Variants in PCDHGB1 observed in about 807,000 individuals in gnomAD.
PCDHGB1 encodes the protein protocadherin gamma-B1.
Under a neutral mutation model 56.6 loss-of-function variants are expected in PCDHGB1, and 34 were observed. The observed-to-expected ratio is 0.60, with a 90% CI of 0.46 to 0.80. The LOEUF is 0.80. Among genes scored for constraint, PCDHGB1 ranks in the 30% least tolerant of loss-of-function variants. The pLI, the probability that PCDHGB1 is intolerant of heterozygous loss-of-function variation, is 0.00. For synonymous variants in PCDHGB1, 561 were observed against 505.9 expected, an observed-to-expected ratio of 1.11 and a Z score of -1.46; for missense variants, 1,278 against 1,204.6, an observed-to-expected ratio of 1.06 and a Z score of -0.90.
chr5:141,351,672 G>A lies in PCDHGB1; in HGVS notation c.1412G>A (p.Ser471Asn), dbSNP rs1429208209. Reference sequence around the variant, plus strand: ...CCTGGCGCCTCCATTGCACAAGTAAGCGCCTCCGACCCGGATTTGGGACCC... The same window carrying A: ...CCTGGCGCCTCCATTGCACAAGTAAACGCCTCCGACCCGGATTTGGGACCC... Reference protein sequence around the residue: ...NPPGASIAQVSASDPDLGPNG... With the variant: ...NPPGASIAQVNASDPDLGPNG... Residue 471 changes from serine (S) to asparagine (N), a missense_variant, in exon 1 of 4, where the codon AGC becomes AAC. Transcript: ENST00000523390. 14 of 1,613,984 alleles carry A rather than the reference G, an allele frequency of 8.7e-6. No individual in the cohort carries two copies. Among genetic ancestry groups the A allele is most frequent in the Non-Finnish European group, 1.1e-5 (13 of 1,179,896 alleles).
chr5:141,460,454 T>A (rs1010186960), intron 1 of PCDHGB1, among the ~76,000 whole-genome samples: 6 of 152,194 alleles, frequency 3.9e-5, no homozygotes, highest in Admixed American at 3.3e-4. Flanking sequence ...TGAAGATTCA[T>A]ATTTTTTTCC....
chr5:141,389,146 C>T (rs567517174), intron 1 of PCDHGB1: 17 of 1,613,996 alleles, frequency 1.1e-5, no homozygotes, highest in East Asian at 2.2e-5. Context: ...ATAACCGTTA[C>T]GGCAACAGAT....
At chr5:141,412,792 C>T (rs1387029327) in intron 1 of PCDHGB1, among the ~76,000 whole-genome samples, 1 of 152,194 alleles carries the variant, frequency 6.6e-6, no homozygotes. Flanking sequence ...TCCACTTTAT[C>T]ACACCTCCCC....
At chr5:141,475,103 G>A (rs771784343) in intron 1 of PCDHGB1, among the ~76,000 whole-genome samples, 1 of 152,176 alleles carries the variant, frequency 6.6e-6, no homozygotes, top group Non-Finnish European at 1.5e-5. Flanking sequence ...AAGATCCTAG[G>A]TGGTAAATAG....
At chr5:141,413,198 C>T in intron 1 of PCDHGB1, 5 of 1,611,416 alleles carry the variant, frequency 3.1e-6, no homozygotes, top group Non-Finnish European at 2.5e-6. Flanking sequence ...AGGAATCGCT[C>T]AAAGGAATCA....
intron 2 of PCDHGB1, among the ~76,000 whole-genome samples, chr5:141,504,036 G>T (rs1472706342): frequency 6.6e-6 from 1 of 152,080 alleles, no homozygotes; most frequent in African/African-American, 2.4e-5. Flanking sequence ...ACTCATTTAG[G>T]CAACAAATAT....
In PCDHGB1 at chr5:141,351,660, T is replaced by C. The variant is rs1758779964; in HGVS notation, c.1400T>C (p.Ile467Thr). 1 of 1,613,886 alleles carries C rather than the reference T, an allele frequency of 6.2e-7. No homozygotes were observed. Among genetic ancestry groups the C allele is most frequent in the African/African-American group, 1.3e-5 (1 of 74,946 alleles). Residue 467 changes from isoleucine to threonine, a missense_variant, in exon 1 of 4, where the codon ATT (isoleucine) becomes ACT (threonine). Physicochemically the swap from Ile to Thr is moderately conservative, Grantham distance 89. Transcript: ENST00000523390. ...GAGAACAACCCACCTGGCGCCTCCA[T>C]TGCACAAGTAAGCGCCTCCGACCCG... is the stretch of plus-strand genomic sequence containing the variant. ...VSENNPPGASIAQVSASDPDL... is the reference protein window; with the variant it reads ...VSENNPPGASTAQVSASDPDL...
intron 1 of PCDHGB1, among the ~76,000 whole-genome samples, chr5:141,483,547 G>A (rs1202182188): frequency 6.6e-6 from 1 of 152,140 alleles, no homozygotes. Context: ...GGTTGACAGT[G>A]CCATTCACAG....
intron 1 of PCDHGB1, chr5:141,371,345 T>A: frequency 6.2e-7 from 1 of 1,613,878 alleles, no homozygotes; most frequent in Non-Finnish European, 8.5e-7. Context: ...GCTACACAAT[T>A]GGGGTGGAAG....
chr5:141,500,175 CA>C (rs762724660), intron 2 of PCDHGB1, among the ~76,000 whole-genome samples: 15 of 147,258 alleles, frequency 1.0e-4, no homozygotes, highest in Non-Finnish European at 1.5e-4. Flanking sequence ...GCATGAGCTT[CA>C]TTTTTATTTT....
intron 1 of PCDHGB1, among the ~76,000 whole-genome samples, chr5:141,461,804 C>A (rs559757409): frequency 1.4e-3 from 212 of 152,036 alleles, no homozygotes; most frequent in African/African-American, 5.0e-3. Context: ...CAGGTGCCCA[C>A]CACCACACCC....
At chr5:141,430,907 A>G (rs776543955) in intron 1 of PCDHGB1, 1 of 1,606,916 alleles carries the variant, frequency 6.2e-7, no homozygotes, top group Non-Finnish European at 8.5e-7. Flanking sequence ...CGACATCTCC[A>G]GGGACCTGGG....
At chr5:141,415,023 C>A (rs1213037511) in intron 1 of PCDHGB1, 1 of 1,613,530 alleles carries the variant, frequency 6.2e-7, no homozygotes, top group East Asian at 2.2e-5. Flanking sequence ...TCAAGGCCAG[C>A]GAGCCGGGAC....
At chr5:141,427,599 C>G (rs1233253295) in intron 1 of PCDHGB1, 1 of 682,980 alleles carries the variant, frequency 1.5e-6, no homozygotes, top group African/African-American at 1.8e-5. Flanking sequence ...CCTCACCCTA[C>G]GCATTGGTGA....
At chr5:141,410,818 T>G in intron 1 of PCDHGB1, 2 of 556,016 alleles carry the variant, frequency 3.6e-6, no homozygotes, top group Non-Finnish European at 5.8e-6. Context: ...TGTAAAATAA[T>G]GTCACCAGAC....
At chr5:141,374,058 C>T in intron 1 of PCDHGB1, 1 of 1,487,942 alleles carries the variant, frequency 6.7e-7, no homozygotes, top group Non-Finnish European at 8.9e-7. Context: ...CTTCTTAATC[C>T]CAGAGAAGTT....
chr5:141,403,759 G>A (rs900084263), intron 1 of PCDHGB1: 2 of 1,613,794 alleles, frequency 1.2e-6, no homozygotes, highest in Non-Finnish European at 1.7e-6. Flanking sequence ...CCAGCGACCT[G>A]GATGAGGGAA....
At chr5:141,482,530 CAAAAAAAAA>C (rs3074545) in intron 1 of PCDHGB1, among the ~76,000 whole-genome samples, 16 of 76,560 alleles carry the variant, frequency 2.1e-4, no homozygotes, top group African/African-American at 7.7e-4. Context: ...GACAGACATG[CAAAAAAAAA>C]AAAAAAAAAA....
chr5:141,447,301 G>A (rs557269538), intron 1 of PCDHGB1, among the ~76,000 whole-genome samples: 39 of 152,060 alleles, frequency 2.6e-4, no homozygotes, highest in Non-Finnish European at 1.5e-4. Flanking sequence ...CACCACACCC[G>A]GCTAATTTTT....
Sources: allele counts gnomAD v4.1 joint callset (sites outside exome capture counted in the v4.1 genomes callset), GRCh38; gene constraint gnomAD v4.1.1; transcripts MANE v1.5; gene names NCBI Gene and HGNC (gene_info 2026-07-23, HGNC 2026-07-21).